PRR16: variants seen among roughly 807,000 people sequenced by gnomAD.
The protein encoded by PRR16 is protein Largen.
A neutral mutation model predicts 18.2 loss-of-function variants in PRR16; 6 were observed. The observed-to-expected ratio is 0.33, with a 90% CI of 0.18 to 0.65. The LOEUF (loss-of-function observed/expected upper bound fraction) is 0.65. PRR16 is among the 30% of genes least tolerant of loss of function. The pLI is 0.74. For missense variants in PRR16, 412 were observed against 376.6 expected (o/e 1.09, Z -0.78); for synonymous variants, 151 against 147.8 (o/e 1.02, Z -0.16).
At chr5:120,477,127 T>TA (rs1191508909) in intron 1 of PRR16, among the ~76,000 whole-genome samples, 1 of 152,152 alleles carries the variant, frequency 6.6e-6, no homozygotes, top group African/African-American at 2.4e-5. Flanking sequence ...TTTTATTCTT[T>TA]AAAAAAAGGT....
the PRR16 span, among the ~76,000 whole-genome samples, chr5:120,707,239 A>G: frequency 2.0e-5 from 3 of 152,128 alleles, no homozygotes; most frequent in African/African-American, 7.2e-5. Context: ...TGAGGCTTGG[A>G]GGTGTTACTT....
chr5:120,741,107 A>C, the PRR16 span, among the ~76,000 whole-genome samples: 1 of 152,074 alleles, frequency 6.6e-6, no homozygotes, highest in Admixed American at 6.5e-5. Context: ...TGCAAACATA[A>C]ATGGCATATT....
chr5:120,594,298 C>G (rs1753733275), intron 1 of PRR16, among the ~76,000 whole-genome samples: 1 of 151,800 alleles, frequency 6.6e-6, no homozygotes, highest in Non-Finnish European at 1.5e-5. Flanking sequence ...CCGTAGCATT[C>G]CTATACAGCA....
the PRR16 span, among the ~76,000 whole-genome samples, chr5:120,770,538 A>T: frequency 6.6e-6 from 1 of 152,040 alleles, no homozygotes; most frequent in Non-Finnish European, 1.5e-5. Context: ...CTAAGATACG[A>T]AAAGGAGGCA....
chr5:120,472,983 A>C lies in PRR16; in HGVS notation c.159+8338A>C, dbSNP rs145222649. ...AAACTGATTGCAGATCAGCATTTTT[A>C]TTTGTTTTATTTTTTTCTTATGTCA... On this transcript the variant is annotated intron_variant, in intron 1 of 1. Transcript: ENST00000407149. Among the ~76,000 whole-genome samples, 469 of 152,206 alleles carry C rather than the reference A, an allele frequency of 3.1e-3. 4 individuals carry two copies. The highest frequency in any genetic ancestry group is 0.011 in the African/African-American group (453 of 41,556).
At chr5:120,501,863 G>T (rs1750465622) in intron 1 of PRR16, among the ~76,000 whole-genome samples, 2 of 149,476 alleles carry the variant, frequency 1.3e-5, no homozygotes, top group Admixed American at 6.7e-5. Context: ...GGCTGAGGCA[G>T]GAGAATGGTG....
At chr5:120,542,298 C>T (rs1221071359) in intron 1 of PRR16, among the ~76,000 whole-genome samples, 1 of 152,086 alleles carries the variant, frequency 6.6e-6, no homozygotes, top group Admixed American at 6.6e-5. Context: ...ATGGCATTCT[C>T]ATCTTTATTA....
At chr5:120,729,169 A>G in the PRR16 span, among the ~76,000 whole-genome samples, 1 of 152,114 alleles carries the variant, frequency 6.6e-6, no homozygotes, top group Non-Finnish European at 1.5e-5. Context: ...AGGCAGGACA[A>G]ATGTGAACAT....
At chr5:120,647,118 A>G (rs1420712956) in intron 1 of PRR16, among the ~76,000 whole-genome samples, 1 of 152,016 alleles carries the variant, frequency 6.6e-6, no homozygotes, top group Admixed American at 6.6e-5. Context: ...AATGATTTAT[A>G]GAAACCTCAA....
At chr5:120,748,614 T>C in the PRR16 span, among the ~76,000 whole-genome samples, 2 of 152,134 alleles carry the variant, frequency 1.3e-5, no homozygotes, top group African/African-American at 2.4e-5. Flanking sequence ...TGGGAGACAT[T>C]ATCCAAGGTT....
At chr5:120,781,596 C>T in the PRR16 span, 3 of 152,140 alleles carry the variant, frequency 2.0e-5, no homozygotes, top group Non-Finnish European at 4.4e-5. Context: ...AGGTCAGGGA[C>T]ACCTTCCTGC....
chr5:120,531,050 G>A (rs532454840), intron 1 of PRR16, among the ~76,000 whole-genome samples: 12 of 152,256 alleles, frequency 7.9e-5, no homozygotes, highest in Admixed American at 3.3e-4. Flanking sequence ...TCTTCTTTCT[G>A]CCAGATCAAA....
chr5:120,732,394 A>G, the PRR16 span, among the ~76,000 whole-genome samples: 2 of 152,094 alleles, frequency 1.3e-5, no homozygotes, highest in South Asian at 2.1e-4. Context: ...GTGCGGCTAT[A>G]TAATTCTTTC....
At chr5:120,731,102 T>C in the PRR16 span, among the ~76,000 whole-genome samples, 1 of 152,084 alleles carries the variant, frequency 6.6e-6, no homozygotes, top group African/African-American at 2.4e-5. Flanking sequence ...TGTGAGAAAA[T>C]TGAGGTATAA....
At chr5:120,682,390 C>G (rs1306030210) in intron 1 of PRR16, among the ~76,000 whole-genome samples, 1 of 152,144 alleles carries the variant, frequency 6.6e-6, no homozygotes, top group Non-Finnish European at 1.5e-5. Flanking sequence ...GAGGCCCTTT[C>G]ATGGATTGTC....
chr5:120,632,437 G>A lies in PRR16; in HGVS notation c.160-53517G>A, dbSNP rs576715883. Among the ~76,000 whole-genome samples, 7 of 152,136 alleles carry A rather than the reference G, an allele frequency of 4.6e-5. No individual in the cohort carries two copies. The South Asian group carries it at 1.0e-3, about 23-fold the overall frequency. On this transcript the variant is annotated intron_variant, in intron 1 of 1. Coordinates refer to ENST00000407149, the MANE Select transcript of PRR16 (RefSeq NM_001300783.2). ...GTCAATTATTGAGCTAATCCAGGAG[G>A]CACCAGAGAAAGGTGAAGTCAAATA...
At chr5:120,664,918 T>C (rs527391040) in intron 1 of PRR16, among the ~76,000 whole-genome samples, 4 of 152,056 alleles carry the variant, frequency 2.6e-5, no homozygotes, top group Admixed American at 6.6e-5. Flanking sequence ...AATAAACATA[T>C]GTGTGCATGT....
chr5:120,667,148 G>A (rs180814350), intron 1 of PRR16, among the ~76,000 whole-genome samples: 72 of 152,256 alleles, frequency 4.7e-4, no homozygotes, highest in Admixed American at 1.2e-3. Flanking sequence ...CCTGTTATTG[G>A]TCTCTTCAGA....
At chr5:120,609,591 C>A (rs1754269686) in intron 1 of PRR16, among the ~76,000 whole-genome samples, 1 of 152,060 alleles carries the variant, frequency 6.6e-6, no homozygotes, top group African/African-American at 2.4e-5. Flanking sequence ...AAAATAATGG[C>A]TATCTTATTG....
Sources: gnomAD v4.1 joint callset for allele counts (sites outside exome capture counted in the v4.1 genomes callset) on GRCh38, gnomAD v4.1.1 for gene constraint, MANE v1.5 for transcripts, NCBI Gene and HGNC (gene_info 2026-07-23, HGNC 2026-07-21) for gene names.